MCM5: variants seen among roughly 807,000 people sequenced by gnomAD.
MCM5 encodes the protein minichromosome maintenance complex component 5.
A neutral mutation model predicts 79.9 loss-of-function variants in MCM5; 46 were observed. The observed-to-expected ratio is 0.58, with a 90% CI of 0.45 to 0.74. The LOEUF is 0.74. Among genes scored for constraint, MCM5 ranks in the 30% least tolerant of loss-of-function variants. The pLI is 0.00. For missense variants in MCM5, 883 were observed against 1,017.0 expected (o/e 0.87, Z 1.79); for synonymous variants, 404 against 390.5 (o/e 1.03, Z -0.41).
chr22:35,401,296 G>T (rs1005292058), intron 2 of MCM5: 7 of 426,342 alleles, frequency 1.6e-5, no homozygotes, highest in Non-Finnish European at 3.5e-5. Flanking sequence ...ACAAACTCAA[G>T]TTCCCTGTAG....
At chr22:35,408,954 C>T (rs1364179343) in intron 6 of MCM5, among the ~76,000 whole-genome samples, 2 of 127,060 alleles carry the variant, frequency 1.6e-5, no homozygotes, top group Non-Finnish European at 1.6e-5. Context: ...CACCCCACCT[C>T]CTACCCCAGG....
the MCM5 span, among the ~76,000 whole-genome samples, chr22:35,453,439 CAG>C: frequency 7.5e-6 from 1 of 133,448 alleles, no homozygotes; most frequent in Non-Finnish European, 1.6e-5. Context: ...GAGACAGAGA[CAG>C]GGACAGAGAG....
At chr22:35,418,480 C>T (rs754589408) in intron 13 of MCM5, among the ~76,000 whole-genome samples, 5 of 151,916 alleles carry the variant, frequency 3.3e-5, no homozygotes, top group Non-Finnish European at 7.4e-5. Flanking sequence ...GCCAACGTGG[C>T]GAAACCCCAT....
intron 9 of MCM5, 51 bp from the exon 10 acceptor site, chr22:35,415,778 G>A (rs1932522184): frequency 6.3e-7 from 1 of 1,589,648 alleles, no homozygotes; most frequent in Non-Finnish European, 8.6e-7. Flanking sequence ...GTCTTATGGG[G>A]GTCAAAGCAT....
chr22:35,419,582 C>T (rs1200710884), intron 13 of MCM5, among the ~76,000 whole-genome samples: 2 of 152,214 alleles, frequency 1.3e-5, no homozygotes, highest in Admixed American at 6.5e-5. Context: ...TGGCAAGACA[C>T]CACACAGCGT....
At position 35,400,623 on chromosome 22, in the gene MCM5, C is replaced by A; in HGVS notation, c.167+18C>A. Reference sequence around the variant, plus strand: ...AAATACAGGTGCGGCTCCTGCGGGGCCGGGGGCTCGAGTTCCAGTGTGGCC... The same window carrying A: ...AAATACAGGTGCGGCTCCTGCGGGGACGGGGGCTCGAGTTCCAGTGTGGCC... On this transcript the variant is annotated intron_variant, in intron 2 of 16. Coordinates refer to ENST00000216122, the MANE Select transcript of MCM5 (RefSeq NM_006739.4). 1.3e-6 allele frequency: 2 copies of A among 1,578,930 alleles called. No individual in the cohort carries two copies. The highest frequency in any genetic ancestry group is 1.1e-5 in the South Asian group (1 of 87,162).
intron 9 of MCM5, 37 bp downstream of exon 9, chr22:35,414,023 C>A: frequency 6.9e-7 from 1 of 1,448,506 alleles, no homozygotes. Flanking sequence ...CCTTGGCTTG[C>A]AGGGAGGAAG....
the MCM5 span, among the ~76,000 whole-genome samples, chr22:35,447,313 G>A: frequency 6.6e-6 from 1 of 152,182 alleles, no homozygotes; most frequent in African/African-American, 2.4e-5. Context: ...GGGTTCTGCT[G>A]CCTGCACAAG....
At position 35,406,718 on chromosome 22, in the gene MCM5, T is replaced by C. The variant is rs2057477389; in HGVS notation, c.589T>C (p.Cys197Arg). The change falls in exon 5 of 17, where the codon TGC (cysteine) becomes CGC (arginine). Residue 197 changes from cysteine to arginine, a missense_variant. Cys to Arg is a radical substitution (Grantham distance 180, BLOSUM62 -3). This residue lies in a region of MCM5 where 455 missense variants were observed against 517.5 expected (regional missense o/e 0.88). Transcript: ENST00000216122. Reference sequence around the variant, plus strand: ...CGAGGGCTATGCCCTGCCCAGGAAGTGCAACACGTGAGTCTGTGGCCCAGA... The same window carrying C: ...CGAGGGCTATGCCCTGCCCAGGAAGCGCAACACGTGAGTCTGTGGCCCAGA... The part of the protein sequence containing the change: ...GLEGYALPRK[C>R]NTDQAGRPKC... The C allele has an allele frequency of 1.2e-6, 2 of 1,606,992 alleles. No homozygotes were observed. The highest frequency in any genetic ancestry group is 1.7e-5 in the Admixed American group (1 of 59,978).
chr22:35,441,847 G>A, the MCM5 span, among the ~76,000 whole-genome samples: 2 of 152,114 alleles, frequency 1.3e-5, no homozygotes, highest in African/African-American at 2.4e-5. Flanking sequence ...GCATGGGTGT[G>A]AAGGTGAGGC....
chr22:35,428,398 C>T (rs924331407), downstream of MCM5, among the ~76,000 whole-genome samples: 2 of 151,540 alleles, frequency 1.3e-5, no homozygotes, highest in African/African-American at 2.4e-5. Context: ...TGGGCTCAAT[C>T]GATCCTCCTG....
At chr22:35,420,909 C>T (rs761438904) in intron 14 of MCM5, among the ~76,000 whole-genome samples, 6 of 152,084 alleles carry the variant, frequency 3.9e-5, no homozygotes, top group African/African-American at 4.8e-5. Context: ...AGGAGGATTA[C>T]TTGAGGCCAG....
the MCM5 span, among the ~76,000 whole-genome samples, chr22:35,434,032 G>C: frequency 6.6e-6 from 1 of 152,216 alleles, no homozygotes; most frequent in African/African-American, 2.4e-5. Context: ...ACTAGAATTT[G>C]GAACTGAGTT....
At chr22:35,444,577 C>T in the MCM5 span, among the ~76,000 whole-genome samples, 1 of 152,104 alleles carries the variant, frequency 6.6e-6, no homozygotes, top group Non-Finnish European at 1.5e-5. Flanking sequence ...TTGGAGGTCC[C>T]TCCTGTGGGG....
intron 2 of MCM5, chr22:35,401,247 C>A: frequency 7.9e-6 from 3 of 378,064 alleles, no homozygotes; most frequent in South Asian, 5.8e-5. Flanking sequence ...TCCTGTTCAT[C>A]TGCTTCCTAT....
the MCM5 span, among the ~76,000 whole-genome samples, chr22:35,440,503 G>A: frequency 1.3e-5 from 2 of 152,338 alleles, no homozygotes; most frequent in East Asian, 1.9e-4. Flanking sequence ...GGTTGAGAGG[G>A]GAGGAGGTAC....
At chr22:35,451,483 T>TA in the MCM5 span, among the ~76,000 whole-genome samples, 1 of 152,182 alleles carries the variant, frequency 6.6e-6, no homozygotes, top group Non-Finnish European at 1.5e-5. Context: ...TTCTGACAAT[T>TA]ATTGATCTGC....
intron 15 of MCM5, 198 bp from the exon 16 acceptor site, chr22:35,423,016 T>C (rs1340550577): frequency 2.3e-6 from 1 of 430,764 alleles, no homozygotes; most frequent in East Asian, 3.6e-5. Context: ...GACTTTGTGC[T>C]TGGCCTGGAG....
At chr22:35,449,186 G>A in the MCM5 span, among the ~76,000 whole-genome samples, 5 of 152,190 alleles carry the variant, frequency 3.3e-5, no homozygotes, top group Non-Finnish European at 7.3e-5. Context: ...TCTCAGGGCT[G>A]GTCAGGGTTG....
Sources: allele counts gnomAD v4.1 joint callset (sites outside exome capture counted in the v4.1 genomes callset), GRCh38; gene constraint gnomAD v4.1.1; regional missense constraint gnomAD v4.1.1; transcripts MANE v1.5; gene names NCBI Gene and HGNC (gene_info 2026-07-23, HGNC 2026-07-21).